PTPRZ1: variants seen among roughly 807,000 people sequenced by gnomAD.
PTPRZ1 encodes protein tyrosine phosphatase receptor type Z1.
A neutral mutation model predicts 214.1 loss-of-function variants in PTPRZ1; 82 were observed. The observed-to-expected ratio is 0.38, with a 90% CI of 0.32 to 0.46. The LOEUF (loss-of-function observed/expected upper bound fraction) is 0.46, where lower values mean the gene tolerates loss of function less well. Ranked by LOEUF, PTPRZ1 falls within the 20% of genes least tolerant of loss-of-function variation. The pLI is 1.00. For synonymous variants in PTPRZ1, 945 were observed against 987.9 expected, an observed-to-expected ratio of 0.96 and a Z score of 0.81; for missense variants, 2,603 against 2,748.7, an observed-to-expected ratio of 0.95 and a Z score of 1.19.
At chr7:121,897,633 A>G (rs1794829047) in intron 1 of PTPRZ1, among the ~76,000 whole-genome samples, 1 of 152,192 alleles carries the variant, frequency 6.6e-6, no homozygotes, top group African/African-American at 2.4e-5. Context: ...TAGCTAGAAG[A>G]TCTTGTTCAC....
chr7:121,983,879 G>A, intron 7 of PTPRZ1, 57 bp downstream of exon 7: 2 of 1,590,850 alleles, frequency 1.3e-6, no homozygotes, highest in Non-Finnish European at 1.7e-6. Flanking sequence ...AAAACATTAT[G>A]TTCTAAGTTT....
At chr7:121,901,631 T>G (rs1212846836) in intron 1 of PTPRZ1, among the ~76,000 whole-genome samples, 1 of 152,194 alleles carries the variant, frequency 6.6e-6, no homozygotes. Flanking sequence ...TGCTATTTAC[T>G]GAAATAATTT....
intron 1 of PTPRZ1, among the ~76,000 whole-genome samples, chr7:121,915,975 T>C (rs548984369): frequency 1.3e-5 from 2 of 152,248 alleles, no homozygotes; most frequent in South Asian, 4.1e-4. Context: ...CTGTGGTCTG[T>C]TTTAAGATGC....
rs1338898158 is a variant in PTPRZ1 at position 121,873,566 on chromosome 7, G to A, written c.58+9G>A. On this transcript the variant is annotated intron_variant, in intron 1 of 29. Transcript: ENST00000393386. ...CTGTGTTTGCCGCCTGGGTGAGTGAGAAGAGCTCGGTGGGGTTTCAGCTCC... is the reference window on the plus strand; with the variant it reads ...CTGTGTTTGCCGCCTGGGTGAGTGAAAAGAGCTCGGTGGGGTTTCAGCTCC... 3 of 1,613,560 alleles carry A rather than the reference G, an allele frequency of 1.9e-6. No homozygotes were observed. Among genetic ancestry groups the A allele is most frequent in the Non-Finnish European group, 2.5e-6 (3 of 1,179,968 alleles).
chr7:121,952,954 G>A (rs1407072514), intron 2 of PTPRZ1, among the ~76,000 whole-genome samples: 1 of 152,032 alleles, frequency 6.6e-6, no homozygotes, highest in African/African-American at 2.4e-5. Flanking sequence ...TCAGGCTTCT[G>A]CCCTGCTTAT....
intron 14 of PTPRZ1, among the ~76,000 whole-genome samples, chr7:122,028,856 G>A (rs1466495965): frequency 6.6e-6 from 1 of 151,936 alleles, no homozygotes; most frequent in African/African-American, 2.4e-5. Flanking sequence ...TCATACAGAT[G>A]ATATTGCAAA....
intron 2 of PTPRZ1, among the ~76,000 whole-genome samples, chr7:121,930,724 G>A (rs890172596): frequency 2.6e-5 from 4 of 151,986 alleles, no homozygotes; most frequent in Non-Finnish European, 5.9e-5. Context: ...ATTAAATAAT[G>A]TAGTATTGTC....
At chr7:121,967,361 A>T (rs887953687) in intron 2 of PTPRZ1, among the ~76,000 whole-genome samples, 1 of 152,182 alleles carries the variant, frequency 6.6e-6, no homozygotes, top group African/African-American at 2.4e-5. Context: ...TTTTGTAAAT[A>T]AGATCCCAAA....
chr7:121,967,875 T>C (rs1797090660), intron 2 of PTPRZ1, 76 bp from the exon 3 acceptor site: 1 of 1,027,966 alleles, frequency 9.7e-7, no homozygotes, highest in Non-Finnish European at 1.5e-6. Context: ...TTATGTAATG[T>C]ATTAACTATA....
chr7:121,898,924 T>G (rs960951719), intron 1 of PTPRZ1, among the ~76,000 whole-genome samples: 1 of 152,124 alleles, frequency 6.6e-6, no homozygotes, highest in Non-Finnish European at 1.5e-5. Context: ...CATGAGGAAT[T>G]GATATGAGAT....
At chr7:121,959,759 C>T (rs1000588639) in intron 2 of PTPRZ1, among the ~76,000 whole-genome samples, 3 of 152,112 alleles carry the variant, frequency 2.0e-5, no homozygotes, top group East Asian at 1.9e-4. Context: ...TGAATTACTT[C>T]ATTTTTGTAT....
intron 9 of PTPRZ1, among the ~76,000 whole-genome samples, chr7:121,997,616 A>G (rs1798183496): frequency 6.6e-6 from 1 of 150,770 alleles, no homozygotes; most frequent in Admixed American, 6.6e-5. Context: ...GAATTTGATG[A>G]GTTCTGGCTA....
rs370316122 is a variant in PTPRZ1, at chr7:121,971,671, G to C, written c.305-870G>C. On this transcript the variant is annotated intron_variant, in intron 3 of 29. Transcript: ENST00000393386. ...ATGGATAATATATGTAAAGTAACTA[G>C]TATAGTTCATGGTACATCGTAAGTG... Among the ~76,000 whole-genome samples, 10 of 152,168 alleles carry C rather than the reference G, an allele frequency of 6.6e-5. No individual in the cohort carries two copies. In the East Asian group the frequency reaches 7.7e-4, roughly 12 times the overall value.
At chr7:121,965,942 C>A (rs1470550930) in intron 2 of PTPRZ1, among the ~76,000 whole-genome samples, 7 of 152,178 alleles carry the variant, frequency 4.6e-5, no homozygotes, top group Non-Finnish European at 1.0e-4. Context: ...AATCTCCCAA[C>A]AAACTCCTAG....
At chr7:121,965,449 A>G (rs1215722147) in intron 2 of PTPRZ1, among the ~76,000 whole-genome samples, 1 of 152,150 alleles carries the variant, frequency 6.6e-6, no homozygotes, top group Non-Finnish European at 1.5e-5. Flanking sequence ...CAGCTCCCAG[A>G]GGCAGGTCTC....
intron 1 of PTPRZ1, among the ~76,000 whole-genome samples, chr7:121,920,261 C>T (rs970974852): frequency 1.3e-5 from 2 of 152,020 alleles, no homozygotes; most frequent in African/African-American, 2.4e-5. Flanking sequence ...AGTGAAAGTA[C>T]GTGGGCATAA....
chr7:121,980,797 T>C (rs1260915184), intron 6 of PTPRZ1, among the ~76,000 whole-genome samples: 1 of 152,234 alleles, frequency 6.6e-6, no homozygotes, highest in Non-Finnish European at 1.5e-5. Flanking sequence ...TGGAATAGAC[T>C]TTTAAGATCA....
intron 2 of PTPRZ1, among the ~76,000 whole-genome samples, chr7:121,961,552 G>A (rs1165961709): frequency 1.3e-5 from 2 of 152,058 alleles, no homozygotes; most frequent in South Asian, 2.1e-4. Flanking sequence ...CACCCTTCTG[G>A]AATGTAATAA....
At position 122,056,388 on chromosome 7, in the gene PTPRZ1, A is replaced by G. The variant is rs75035672; in HGVS notation, c.6528+1301A>G. 2.4e-3 allele frequency among the ~76,000 whole-genome samples: 359 copies of G among 151,930 alleles called. 2 individuals are homozygous for G. The highest frequency in any genetic ancestry group is 8.2e-3 in the African/African-American group (339 of 41,530). ...TATGTCTCATCTATGTAAATCAGCT[A>G]TTATGGACAACTTGATAATCCAGGA... On this transcript the variant is annotated intron_variant, in intron 27 of 29. Coordinates refer to ENST00000393386, the MANE Select transcript of PTPRZ1 (RefSeq NM_002851.3).
Sources: gnomAD v4.1 joint callset for allele counts (sites outside exome capture counted in the v4.1 genomes callset) on GRCh38, gnomAD v4.1.1 for gene constraint, MANE v1.5 for transcripts, NCBI Gene and HGNC (gene_info 2026-07-23, HGNC 2026-07-21) for gene names.